The following BANK1 variants were observed in gnomAD, a reference collection of about 807,000 sequenced individuals.
BANK1 encodes the protein B cell scaffold protein with ankyrin repeats 1, also known as B-cell scaffold protein with ankyrin repeats.
In BANK1, 95 loss-of-function variants were observed where a neutral mutation model predicts 94.5. The ratio of observed to expected loss-of-function variants is 1.00; its 90% CI spans 0.85 to 1.19. The LOEUF (loss-of-function observed/expected upper bound fraction) is 1.19, where lower values mean the gene tolerates loss of function less well. Ranked by LOEUF, BANK1 falls within the 50% of genes most tolerant of loss-of-function variation. The pLI is 0.00. For synonymous variants in BANK1, 334 were observed against 308.4 expected (o/e 1.08, Z -0.87); for missense variants, 987 against 932.2 (o/e 1.06, Z -0.77).
intron 4 of BANK1, among the ~76,000 whole-genome samples, chr4:101,867,175 TTAA>T (rs1456827020): frequency 5.8e-5 from 2 of 34,240 alleles, no homozygotes; most frequent in African/African-American, 2.9e-4. Context: ...TAAAAAAAAT[TTAA>T]AAAAAAAAAA....
At position 101,844,895 on chromosome 4, in the gene BANK1, T is replaced by C. The variant is rs1047238888; in HGVS notation, c.470-10140T>C. 4.0e-5 allele frequency among the ~76,000 whole-genome samples: 6 copies of C among 150,644 alleles called. No homozygotes were observed. The South Asian group carries it at 1.3e-3, about 32-fold the overall frequency. ...CAAGGAAAGTTTTCCTAGACCTAAC[T>C]GGGAAGGGTCCTTTTTTAATTTAAC... On this transcript the variant is annotated intron_variant, in intron 2 of 16. Transcript: ENST00000322953.
chr4:101,881,361 A>C (rs1232760804), intron 5 of BANK1, among the ~76,000 whole-genome samples: 1 of 152,140 alleles, frequency 6.6e-6, no homozygotes, highest in Non-Finnish European at 1.5e-5. Context: ...GAGAAGTGCA[A>C]ATCAAAACTA....
rs60877981 is a variant in BANK1, at chr4:101,828,383, TTATATATA to T, written c.71-1405_71-1398del. Among the ~76,000 whole-genome samples, 6 of 142,178 alleles carry T rather than the reference TTATATATA, an allele frequency of 4.2e-5. No individual in the cohort carries two copies. The South Asian group carries it at 9.1e-4, about 21-fold the overall frequency. 93.3% of individuals were successfully genotyped at this position (142,178 alleles called of 152,430 possible). On this transcript the variant is annotated intron_variant, in intron 1 of 16. Coordinates refer to ENST00000322953, the MANE Select transcript of BANK1 (RefSeq NM_017935.5). Reference sequence around the variant, plus strand: ...ATCTAAGATATGTAGATGAGTGAATTTATATATATATATATATATATATATATCTCCAT... The same window carrying T: ...ATCTAAGATATGTAGATGAGTGAATTTATATATATATATATATATCTCCAT...
intron 7 of BANK1, among the ~76,000 whole-genome samples, chr4:101,925,766 A>G (rs1348505855): frequency 6.6e-6 from 1 of 151,610 alleles, no homozygotes; most frequent in Non-Finnish European, 1.5e-5. Context: ...AGCCTTCTAA[A>G]CTTTAGTTCT....
At chr4:102,007,114 TA>T (rs1173889809) in intron 7 of BANK1, among the ~76,000 whole-genome samples, 1 of 40,078 alleles carries the variant, frequency 2.5e-5, no homozygotes, top group South Asian at 5.1e-4. Context: ...TATATATAAA[TA>T]TATATTTTAT....
At chr4:102,011,183 G>A (rs1410381471) in intron 7 of BANK1, among the ~76,000 whole-genome samples, 2 of 152,182 alleles carry the variant, frequency 1.3e-5, no homozygotes, top group African/African-American at 4.8e-5. Flanking sequence ...TTCCCCAAAG[G>A]TATGTAAAGC....
intron 4 of BANK1, among the ~76,000 whole-genome samples, chr4:101,866,239 G>A (rs543819041): frequency 6.6e-6 from 1 of 152,244 alleles, no homozygotes; most frequent in South Asian, 2.1e-4. Flanking sequence ...TACTAGTAGA[G>A]TTGACAAAGG....
At chr4:102,068,266 C>A (rs1419193264) in intron 13 of BANK1, among the ~76,000 whole-genome samples, 1 of 151,694 alleles carries the variant, frequency 6.6e-6, no homozygotes, top group Non-Finnish European at 1.5e-5. Context: ...ATTTAAGTTT[C>A]CACTTTAGAA....
rs534297494 is a variant in BANK1, at chr4:101,946,725, A to C, written c.1206+28536A>C. Among the ~76,000 whole-genome samples, 3 of 152,088 alleles carry C rather than the reference A, an allele frequency of 2.0e-5. No individual in the cohort carries two copies. The East Asian group carries it at 5.8e-4, about 30-fold the overall frequency. On this transcript the variant is annotated intron_variant, in intron 7 of 16. Coordinates refer to ENST00000322953, the MANE Select transcript of BANK1 (RefSeq NM_017935.5). The stretch of plus-strand genomic sequence containing the variant: ...TGGTGATCTTCAAGAAATAATGGAC[A>C]TTTGAAAGCTGCCAAGTTAGATAAA...
At chr4:101,931,829 T>C (rs974450298) in intron 7 of BANK1, among the ~76,000 whole-genome samples, 2 of 151,324 alleles carry the variant, frequency 1.3e-5, no homozygotes, top group African/African-American at 4.8e-5. Context: ...GAGAGAGGGC[T>C]GGAGGGCTGG....
chr4:101,996,829 G>A (rs998739477), intron 7 of BANK1, among the ~76,000 whole-genome samples: 2 of 152,132 alleles, frequency 1.3e-5, no homozygotes, highest in African/African-American at 4.8e-5. Context: ...GAGATTTTGG[G>A]CTGAGACGAT....
chr4:101,976,791 A>T (rs1295821045), intron 7 of BANK1: 1 of 152,174 alleles, frequency 6.6e-6, no homozygotes, highest in Non-Finnish European at 1.5e-5. Context: ...CTGCAAACTT[A>T]GTCAAAACAG....
At chr4:101,822,710 A>G (rs548608281) in intron 1 of BANK1, among the ~76,000 whole-genome samples, 5 of 151,464 alleles carry the variant, frequency 3.3e-5, no homozygotes, top group African/African-American at 1.2e-4. Context: ...CCACCTCCCA[A>G]GTTCATGTCA....
intron 6 of BANK1, among the ~76,000 whole-genome samples, chr4:101,901,012 G>A (rs1054622971): frequency 1.3e-5 from 2 of 152,096 alleles, no homozygotes; most frequent in Non-Finnish European, 2.9e-5. Context: ...TAAAGTTTCT[G>A]AGAGAAGAAA....
At chr4:101,997,579 A>T (rs746915635) in intron 7 of BANK1, among the ~76,000 whole-genome samples, 2 of 152,050 alleles carry the variant, frequency 1.3e-5, no homozygotes, top group African/African-American at 4.8e-5. Context: ...TAGGCTATTA[A>T]TTACTGCCTC....
chr4:101,819,609 C>T (rs1039725773), intron 1 of BANK1, among the ~76,000 whole-genome samples: 30 of 152,264 alleles, frequency 2.0e-4, no homozygotes, highest in Non-Finnish European at 4.3e-4. Context: ...GTGAAAAACA[C>T]TTTGATTATT....
chr4:102,023,157 C>G (rs548846056), intron 8 of BANK1, among the ~76,000 whole-genome samples: 1 of 152,054 alleles, frequency 6.6e-6, no homozygotes, highest in Admixed American at 6.6e-5. Context: ...TAGTCTATGC[C>G]CAATGAAACA....
intron 7 of BANK1, among the ~76,000 whole-genome samples, chr4:101,965,755 G>A (rs748860282): frequency 2.6e-5 from 4 of 151,996 alleles, no homozygotes; most frequent in Non-Finnish European, 4.4e-5. Context: ...AGATGCTTGG[G>A]TACCACTGAG....
chr4:102,018,004 T>C (rs927019121), intron 7 of BANK1, among the ~76,000 whole-genome samples: 1 of 152,192 alleles, frequency 6.6e-6, no homozygotes, highest in African/African-American at 2.4e-5. Context: ...TGGGAAATTA[T>C]ATGAATGTGC....
Sources: allele counts gnomAD v4.1 joint callset (sites outside exome capture counted in the v4.1 genomes callset), GRCh38; gene constraint gnomAD v4.1.1; transcripts MANE v1.5; gene names NCBI Gene and HGNC (gene_info 2026-07-23, HGNC 2026-07-21).